KHDRBS3: variants seen among roughly 807,000 people sequenced by gnomAD.
KHDRBS3 encodes the protein KH RNA binding domain containing, signal transduction associated 3, also known as KH domain-containing, RNA-binding, signal transduction-associated protein 3.
In KHDRBS3, 23 loss-of-function variants were observed where a neutral mutation model predicts 45.6. That is an observed-to-expected ratio of 0.50 (90% CI 0.36 to 0.72). The LOEUF is 0.72. KHDRBS3 is among the 30% of genes least tolerant of loss of function. The pLI, the probability that KHDRBS3 is intolerant of heterozygous loss-of-function variation, is 0.00. For missense variants in KHDRBS3, 352 were observed against 424.8 expected (o/e 0.83, Z 1.51); for synonymous variants, 162 against 156.5 (o/e 1.04, Z -0.26).
chr8:135,480,850 GTCA>G (rs1426308489), intron 1 of KHDRBS3, among the ~76,000 whole-genome samples: 4 of 152,068 alleles, frequency 2.6e-5, no homozygotes, highest in African/African-American at 9.7e-5. Flanking sequence ...TGTTACATAT[GTCA>G]TCATATTGTT....
intron 7 of KHDRBS3, among the ~76,000 whole-genome samples, chr8:135,642,545 A>C (rs764754283): frequency 6.6e-6 from 1 of 152,160 alleles, no homozygotes; most frequent in Non-Finnish European, 1.5e-5. Context: ...CTGTGGAAAA[A>C]TTGCACATTG....
At chr8:135,652,043 T>C (rs1464073590), downstream of KHDRBS3, among the ~76,000 whole-genome samples, 1 of 152,206 alleles carries the variant, frequency 6.6e-6, no homozygotes, top group Non-Finnish European at 1.5e-5. Flanking sequence ...ATGAGACATT[T>C]TATAGAATAT....
chr8:135,482,640 G>C (rs1822641074), intron 1 of KHDRBS3, among the ~76,000 whole-genome samples: 1 of 152,068 alleles, frequency 6.6e-6, no homozygotes, highest in Non-Finnish European at 1.5e-5. Flanking sequence ...GGTGAGAGGT[G>C]GCATTAGAGA....
rs1418120810 is a variant in KHDRBS3 at position 135,550,136 on chromosome 8, G to A, written c.471+1236G>A. On this transcript the variant is annotated intron_variant, in intron 4 of 8. Transcript: ENST00000355849. ...GGCGAGACCACAGCTAAGGAGAGGA[G>A]TAAGTTTTGGTGATCATGCAGTGTG... is the stretch of plus-strand genomic sequence containing the variant. Among the ~76,000 whole-genome samples, 3 of 152,170 alleles carry A rather than the reference G, an allele frequency of 2.0e-5. No individual in the cohort carries two copies. The East Asian group carries it at 5.8e-4, about 29-fold the overall frequency.
At chr8:135,530,749 C>A (rs1253847138) in intron 2 of KHDRBS3, among the ~76,000 whole-genome samples, 1 of 152,156 alleles carries the variant, frequency 6.6e-6, no homozygotes, top group Non-Finnish European at 1.5e-5. Flanking sequence ...TATTTGAGTA[C>A]TCATGCCAGA....
intron 2 of KHDRBS3, among the ~76,000 whole-genome samples, chr8:135,526,401 G>A (rs917607528): frequency 1.3e-5 from 2 of 151,802 alleles, no homozygotes; most frequent in Non-Finnish European, 2.9e-5. Context: ...TCCATTTCAA[G>A]TACTTACAAT....
chr8:135,493,000 A>G (rs975749522), intron 1 of KHDRBS3, among the ~76,000 whole-genome samples: 12 of 151,866 alleles, frequency 7.9e-5, no homozygotes, highest in African/African-American at 2.9e-4. Flanking sequence ...TCTACCAGCA[A>G]TGTTTTGTGG....
At chr8:135,466,351 A>C (rs987730211) in intron 1 of KHDRBS3, among the ~76,000 whole-genome samples, 2 of 152,184 alleles carry the variant, frequency 1.3e-5, no homozygotes, top group Non-Finnish European at 2.9e-5. Context: ...TTTACAGGTA[A>C]GAAGTGGAGG....
At chr8:135,586,360 T>A (rs1157251714) in intron 6 of KHDRBS3, among the ~76,000 whole-genome samples, 2 of 151,324 alleles carry the variant, frequency 1.3e-5, no homozygotes, top group African/African-American at 4.9e-5. Context: ...CTAGCCGAGG[T>A]TATAAATAAA....
intron 5 of KHDRBS3, among the ~76,000 whole-genome samples, chr8:135,576,079 T>C (rs1472951492): frequency 2.0e-5 from 3 of 152,190 alleles, no homozygotes; most frequent in African/African-American, 7.2e-5. Context: ...TTTGTTTTCA[T>C]CATTAACCTG....
At chr8:135,502,146 T>C (rs1314954231) in intron 1 of KHDRBS3, among the ~76,000 whole-genome samples, 2 of 152,180 alleles carry the variant, frequency 1.3e-5, no homozygotes, top group Admixed American at 1.3e-4. Context: ...TTAGGTGCAG[T>C]TTTGTCTCTT....
chr8:135,645,634 G>A (rs1831250234), intron 8 of KHDRBS3, among the ~76,000 whole-genome samples: 1 of 152,220 alleles, frequency 6.6e-6, no homozygotes, highest in Non-Finnish European at 1.5e-5. Context: ...TTTACAAAGG[G>A]CAGCAGCTAA....
Position 135,647,335 on chromosome 8 carries a change from T to A in KHDRBS3, c.*251T>A, listed in dbSNP as rs1831336132. ...TCAAAAGGAAAAAAAATAACTTTGA[T>A]TAACTAGTGTTAAACAAAAAATAGG... On this transcript the variant is annotated 3_prime_UTR_variant, in exon 9 of 9. Coordinates refer to ENST00000355849, the MANE Select transcript of KHDRBS3 (RefSeq NM_006558.3). 1 of 291,884 alleles carries A rather than the reference T, an allele frequency of 3.4e-6. No homozygotes were observed. Among genetic ancestry groups the A allele is most frequent in the Non-Finnish European group, 6.3e-6 (1 of 158,672 alleles). 18.1% of individuals were successfully genotyped at this position (291,884 alleles called of 1,614,324 possible).
In KHDRBS3 at chr8:135,457,701, C is replaced by G. The variant is rs992536606; in HGVS notation, c.-166C>G. The G allele has an allele frequency of 1.9e-5, 3 of 158,314 alleles. No individual in the cohort carries two copies. The highest frequency in any genetic ancestry group is 1.3e-4 in the Admixed American group (2 of 14,956). 9.8% of individuals were successfully genotyped at this position (158,314 alleles called of 1,614,324 possible). A position where few individuals can be genotyped will look rare whatever the true frequency, so the allele number is the denominator to read the frequency against. ...TCGGGGCTGAGCGGTCGGTTCCCGC[C>G]CCCGTGCCGCCGCCGCCGCCTTCCG... is the stretch of plus-strand genomic sequence containing the variant. On this transcript the variant is annotated 5_prime_UTR_variant, in exon 1 of 9. Coordinates refer to ENST00000355849, the MANE Select transcript of KHDRBS3 (RefSeq NM_006558.3). The surrounding 1 kb of genome is among the most constrained non-coding windows in gnomAD (Gnocchi z 4.4).
intron 7 of KHDRBS3, among the ~76,000 whole-genome samples, chr8:135,640,420 G>C (rs986003506): frequency 1.9e-4 from 29 of 152,070 alleles, no homozygotes; most frequent in Non-Finnish European, 3.8e-4. Flanking sequence ...CCTTGCTCAG[G>C]GTTTGTGGTC....
chr8:135,504,370 T>G (rs1823885727), intron 1 of KHDRBS3, among the ~76,000 whole-genome samples: 1 of 152,322 alleles, frequency 6.6e-6, no homozygotes, highest in East Asian at 1.9e-4. Flanking sequence ...TCTAAGGAAC[T>G]TAATTTTACG....
chr8:135,563,637 G>GTGC (rs1490685551), intron 5 of KHDRBS3, among the ~76,000 whole-genome samples: 2 of 152,220 alleles, frequency 1.3e-5, no homozygotes, highest in East Asian at 3.8e-4. Flanking sequence ...TGTGAATAAA[G>GTGC]TGCTGTAGCA....
Position 135,515,879 on chromosome 8 carries a change from T to C in KHDRBS3, c.89-5358T>C, listed in dbSNP as rs368370211. On this transcript the variant is annotated intron_variant, in intron 1 of 8. Coordinates refer to ENST00000355849, the MANE Select transcript of KHDRBS3 (RefSeq NM_006558.3). ...TACCCTATCTACTTTGTCCTCTCCA[T>C]GCCAAATAGATAACTAGTTTCTTAT... 2.0e-5 allele frequency among the ~76,000 whole-genome samples: 3 copies of C among 152,252 alleles called. No individual in the cohort carries two copies. The East Asian group carries it at 5.8e-4, about 29-fold the overall frequency.
At chr8:135,616,995 A>G (rs1451699435) in intron 7 of KHDRBS3, among the ~76,000 whole-genome samples, 1 of 152,074 alleles carries the variant, frequency 6.6e-6, no homozygotes, top group Non-Finnish European at 1.5e-5. Flanking sequence ...GACAGTGACT[A>G]TAAATCCACA....
Sources: allele counts gnomAD v4.1 joint callset (sites outside exome capture counted in the v4.1 genomes callset), GRCh38; gene constraint gnomAD v4.1.1; non-coding constraint Gnocchi (gnomAD v3.1); transcripts MANE v1.5; gene names NCBI Gene and HGNC (gene_info 2026-07-23, HGNC 2026-07-21).